REC114: variants seen among roughly 807,000 people sequenced by gnomAD.
The protein encoded by REC114 is REC114 meiotic recombination protein, also known as meiotic recombination protein REC114.
In REC114, 27 loss-of-function variants were observed where a neutral mutation model predicts 31.3. That is an observed-to-expected ratio of 0.86 (90% confidence interval 0.64 to 1.19). REC114 has a LOEUF of 1.19. Among genes scored for constraint, REC114 ranks in the 50% most tolerant of loss-of-function variants. REC114 has a pLI of 0.00. For missense variants in REC114, 344 were observed against 326.9 expected (o/e 1.05, Z -0.40); for synonymous variants, 134 against 127.7 (o/e 1.05, Z -0.33).
chr15:73,515,952 CAAGGAACTGAACATG>C (rs1893852499), intron 2 of REC114, among the ~76,000 whole-genome samples: 1 of 151,496 alleles, frequency 6.6e-6, no homozygotes, highest in African/African-American at 2.4e-5. Context: ...ATTTTACTAA[CAAGGAACTGAACATG>C]AAGGCCAGTC....
At chr15:73,531,648 C>T (rs1894083802) in intron 2 of REC114, among the ~76,000 whole-genome samples, 1 of 152,104 alleles carries the variant, frequency 6.6e-6, no homozygotes, top group Non-Finnish European at 1.5e-5. Flanking sequence ...CTCTTTCATT[C>T]AACAGACATG....
intron 2 of REC114, among the ~76,000 whole-genome samples, chr15:73,494,531 A>G (rs1287093697): frequency 6.6e-6 from 1 of 152,026 alleles, no homozygotes; most frequent in Admixed American, 6.6e-5. Context: ...TTCTTACCTC[A>G]AAGTCTAAAA....
chr15:73,542,321 ACT>A (rs1227565104), intron 3 of REC114, among the ~76,000 whole-genome samples: 4 of 134,594 alleles, frequency 3.0e-5, no homozygotes, highest in East Asian at 2.1e-4. Context: ...ACAGAGCAAG[ACT>A]CTGTCTCAAA....
At chr15:73,513,237 C>T (rs957667386) in intron 2 of REC114, among the ~76,000 whole-genome samples, 31 of 151,426 alleles carry the variant, frequency 2.0e-4, no homozygotes, top group Admixed American at 5.9e-4. Context: ...TTGATCGCAT[C>T]GGCTCCTGAG....
At chr15:73,499,887 C>T (rs1893580918) in intron 2 of REC114, among the ~76,000 whole-genome samples, 2 of 152,114 alleles carry the variant, frequency 1.3e-5, no homozygotes, top group African/African-American at 4.8e-5. Context: ...AGCTCCTATC[C>T]ATGCTTTAAG....
chr15:73,539,457 CTTTTTTT>C (rs58815458), intron 2 of REC114, among the ~76,000 whole-genome samples: 100 of 104,274 alleles, frequency 9.6e-4, no homozygotes, highest in Middle Eastern at 5.0e-3. Context: ...CGCCCGGCTA[CTTTTTTT>C]TTTTTTTTTT....
chr15:73,511,164 A>G (rs1398934865), intron 2 of REC114, among the ~76,000 whole-genome samples: 1 of 152,082 alleles, frequency 6.6e-6, no homozygotes, highest in African/African-American at 2.4e-5. Flanking sequence ...TTCCTGGTTT[A>G]GTCTTGGGAG....
intron 2 of REC114, among the ~76,000 whole-genome samples, chr15:73,498,607 T>C (rs1282634056): frequency 6.6e-6 from 1 of 152,172 alleles, no homozygotes; most frequent in African/African-American, 2.4e-5. Flanking sequence ...GAAGAATAAA[T>C]GAGTTTCTGC....
chr15:73,554,887 T>C (rs1255523772), intron 4 of REC114, among the ~76,000 whole-genome samples: 1 of 152,224 alleles, frequency 6.6e-6, no homozygotes, highest in East Asian at 1.9e-4. Context: ...TAGGAAAGCA[T>C]CATATGTCAT....
chr15:73,463,847 G>A (rs1240026608), intron 1 of REC114, among the ~76,000 whole-genome samples: 4 of 151,786 alleles, frequency 2.6e-5, no homozygotes, highest in African/African-American at 9.7e-5. Context: ...AGACTCCTTC[G>A]GTGTTGGAGG....
At chr15:73,461,175 A>G (rs201003465) in intron 1 of REC114, among the ~76,000 whole-genome samples, 8 of 151,872 alleles carry the variant, frequency 5.3e-5, no homozygotes, top group East Asian at 3.9e-4. Flanking sequence ...AAAACTTTGT[A>G]TTTCTGTGAA....
chr15:73,460,582 A>G (rs1027816568), intron 1 of REC114, among the ~76,000 whole-genome samples: 4 of 152,220 alleles, frequency 2.6e-5, no homozygotes, highest in South Asian at 4.1e-4. Context: ...TGCTTTGTGA[A>G]TGAATAGAAG....
At chr15:73,458,641 G>A (rs536062356) in intron 1 of REC114, among the ~76,000 whole-genome samples, 1 of 152,314 alleles carries the variant, frequency 6.6e-6, no homozygotes, top group African/African-American at 2.4e-5. Context: ...TCTCTGCTGT[G>A]CATGGCCATG....
At chr15:73,493,135 G>T (rs972381537) in intron 2 of REC114, among the ~76,000 whole-genome samples, 1 of 151,964 alleles carries the variant, frequency 6.6e-6, no homozygotes, top group African/African-American at 2.4e-5. Flanking sequence ...TCCAGCCTCA[G>T]CCTCCCAAGT....
intron 1 of REC114, among the ~76,000 whole-genome samples, chr15:73,444,006 C>T (rs985081113): frequency 6.6e-6 from 1 of 152,180 alleles, no homozygotes; most frequent in African/African-American, 2.4e-5. Context: ...GTACTGTAGT[C>T]TATTAACTTG....
At chr15:73,466,672 A>G (rs1893065284) in intron 1 of REC114, among the ~76,000 whole-genome samples, 2 of 152,230 alleles carry the variant, frequency 1.3e-5, no homozygotes, top group Middle Eastern at 3.2e-3. Context: ...GTTTCAAAAC[A>G]CTTAATTTGA....
chr15:73,504,890 AAG>A (rs1893654124), intron 2 of REC114, among the ~76,000 whole-genome samples: 1 of 152,174 alleles, frequency 6.6e-6, no homozygotes, highest in Admixed American at 6.5e-5. Context: ...AATTTGGGTT[AAG>A]AAACCCTGAA....
intron 5 of REC114, among the ~76,000 whole-genome samples, 178 bp downstream of exon 5, chr15:73,556,569 A>C (rs1303544890): frequency 1.3e-5 from 2 of 152,156 alleles, no homozygotes; most frequent in African/African-American, 4.8e-5. Context: ...AAGTTTTATT[A>C]CAGTAAGTTG....
intron 2 of REC114, among the ~76,000 whole-genome samples, chr15:73,494,117 T>G (rs1378534032): frequency 6.6e-6 from 1 of 152,216 alleles, no homozygotes; most frequent in African/African-American, 2.4e-5. Context: ...TACCATGTCT[T>G]GCATAAATTC....
Sources: allele counts gnomAD v4.1 joint callset (sites outside exome capture counted in the v4.1 genomes callset), GRCh38; gene constraint gnomAD v4.1.1; transcripts MANE v1.5; gene names NCBI Gene and HGNC (gene_info 2026-07-23, HGNC 2026-07-21).